Variants in BORCS5 observed in about 807,000 individuals in gnomAD.
BORCS5 encodes BLOC-1-related complex subunit 5.
Under a neutral mutation model 22.1 loss-of-function variants are expected in BORCS5, and 17 were observed. That is an observed-to-expected ratio of 0.77 (90% CI 0.53 to 1.15). The LOEUF is 1.15. Among genes scored for constraint, BORCS5 ranks in the 50% most tolerant of loss-of-function variants. The pLI is 0.00. For synonymous variants in BORCS5, 117 were observed against 99.8 expected (o/e 1.17, Z -1.03); for missense variants, 247 against 253.2 (o/e 0.98, Z 0.17).
intron 2 of BORCS5, among the ~76,000 whole-genome samples, chr12:12,388,631 A>C (rs948093022): frequency 1.0e-4 from 15 of 149,982 alleles, no homozygotes; most frequent in Admixed American, 1.0e-3. Context: ...ATGAATAATT[A>C]ATGAAAGGAA....
intron 2 of BORCS5, among the ~76,000 whole-genome samples, chr12:12,426,872 G>A (rs896996150): frequency 2.0e-5 from 3 of 152,236 alleles, no homozygotes; most frequent in South Asian, 2.1e-4. Context: ...GGTGGGTTTC[G>A]GAGGTCCTGG....
At chr12:12,425,389 C>T (rs1352697241) in intron 2 of BORCS5, among the ~76,000 whole-genome samples, 2 of 138,980 alleles carry the variant, frequency 1.4e-5, no homozygotes, top group East Asian at 2.0e-4. Context: ...CCCCAAATTC[C>T]CTTTTTAGTT....
intron 2 of BORCS5, among the ~76,000 whole-genome samples, chr12:12,388,071 G>A (rs1327236137): frequency 6.6e-6 from 1 of 151,292 alleles, no homozygotes; most frequent in Non-Finnish European, 1.5e-5. Flanking sequence ...TCTCATATGC[G>A]ATTAGTGAGA....
chr12:12,455,790 A>C (rs932252495), intron 3 of BORCS5, among the ~76,000 whole-genome samples: 2 of 152,048 alleles, frequency 1.3e-5, no homozygotes, highest in African/African-American at 4.8e-5. Flanking sequence ...AAAAAAAAAA[A>C]AAAAGCAGTC....
intron 2 of BORCS5, among the ~76,000 whole-genome samples, chr12:12,369,243 G>A (rs1240891447): frequency 1.3e-5 from 2 of 152,096 alleles, no homozygotes; most frequent in African/African-American, 4.8e-5. Context: ...AGCCACTCCA[G>A]CTTTCTTACA....
intron 2 of BORCS5, among the ~76,000 whole-genome samples, chr12:12,401,875 G>A (rs1031426853): frequency 1.3e-5 from 2 of 151,680 alleles, no homozygotes; most frequent in Non-Finnish European, 2.9e-5. Flanking sequence ...TGGTTAACAT[G>A]GTGAAACCCT....
At chr12:12,449,198 C>T (rs1388307307) in intron 3 of BORCS5, among the ~76,000 whole-genome samples, 2 of 152,090 alleles carry the variant, frequency 1.3e-5, no homozygotes, top group Admixed American at 1.3e-4. Flanking sequence ...GGAGGGGTTG[C>T]AGAGAGGGAG....
intron 3 of BORCS5, among the ~76,000 whole-genome samples, chr12:12,448,286 G>A (rs1942830917): frequency 6.6e-6 from 1 of 152,034 alleles, no homozygotes. Flanking sequence ...TGCAATCTCG[G>A]CTCACTGCAA....
At chr12:12,417,329 T>A (rs1316736704) in intron 2 of BORCS5, among the ~76,000 whole-genome samples, 1 of 152,192 alleles carries the variant, frequency 6.6e-6, no homozygotes, top group Non-Finnish European at 1.5e-5. Flanking sequence ...AGAAGATTCT[T>A]TGTATAATAT....
intron 2 of BORCS5, among the ~76,000 whole-genome samples, chr12:12,414,019 C>G (rs1427331407): frequency 1.6e-4 from 11 of 68,592 alleles, no homozygotes; most frequent in South Asian, 7.2e-4. Context: ...GGGCAGAGGC[C>G]CCCCTCACCT....
intron 2 of BORCS5, among the ~76,000 whole-genome samples, chr12:12,416,912 G>T (rs1941977768): frequency 6.6e-6 from 1 of 150,910 alleles, no homozygotes. Flanking sequence ...CTCCAGAGCA[G>T]CTGGGATTAC....
intron 2 of BORCS5, among the ~76,000 whole-genome samples, chr12:12,394,008 G>A (rs1054251186): frequency 6.6e-5 from 10 of 151,846 alleles, no homozygotes; most frequent in African/African-American, 2.4e-4. Flanking sequence ...AGCAGCTACT[G>A]TCAGCTTGGA....
chr12:12,369,684 A>G (rs1018493270), intron 2 of BORCS5, among the ~76,000 whole-genome samples: 4 of 137,680 alleles, frequency 2.9e-5, no homozygotes, highest in African/African-American at 1.1e-4. Context: ...GAAACTTTCA[A>G]TGGTGTGGTT....
At chr12:12,421,994 A>G (rs1266885425) in intron 2 of BORCS5, among the ~76,000 whole-genome samples, 3 of 150,770 alleles carry the variant, frequency 2.0e-5, no homozygotes, top group South Asian at 2.1e-4. Context: ...GATCTTTTCA[A>G]AAAACCAGCT....
chr12:12,376,149 TAA>T (rs1243423592), intron 2 of BORCS5, among the ~76,000 whole-genome samples: 1 of 151,878 alleles, frequency 6.6e-6, no homozygotes, highest in Non-Finnish European at 1.5e-5. Flanking sequence ...AAAGTGTCAG[TAA>T]GTAAATATTT....
intron 2 of BORCS5, among the ~76,000 whole-genome samples, chr12:12,362,952 A>C (rs919976193): frequency 6.6e-6 from 1 of 151,576 alleles, no homozygotes; most frequent in Non-Finnish European, 1.5e-5. Flanking sequence ...TGCATGGCCT[A>C]CTCATCTTCT....
intron 3 of BORCS5, among the ~76,000 whole-genome samples, chr12:12,456,576 G>T (rs1272512621): frequency 1.3e-5 from 2 of 152,126 alleles, no homozygotes; most frequent in Non-Finnish European, 2.9e-5. Context: ...ATTTATTAAA[G>T]CTTTTGGTTT....
chr12:12,411,516 A>G (rs933159656), intron 2 of BORCS5, among the ~76,000 whole-genome samples: 4 of 152,130 alleles, frequency 2.6e-5, no homozygotes, highest in Admixed American at 2.6e-4. Flanking sequence ...AATGTATATA[A>G]TAAAATATAC....
At chr12:12,394,554 T>C (rs983352946) in intron 2 of BORCS5, among the ~76,000 whole-genome samples, 1 of 151,818 alleles carries the variant, frequency 6.6e-6, no homozygotes, top group African/African-American at 2.4e-5. Flanking sequence ...AAAAAAAAAT[T>C]TAAAGAGACA....
Sources: gnomAD v4.1 joint callset for allele counts (sites outside exome capture counted in the v4.1 genomes callset) on GRCh38, gnomAD v4.1.1 for gene constraint, MANE v1.5 for transcripts, NCBI Gene and HGNC (gene_info 2026-07-23, HGNC 2026-07-21) for gene names.